DLG2: variants seen among roughly 807,000 people sequenced by gnomAD.
DLG2 encodes discs large MAGUK scaffold protein 2.
Under a neutral mutation model 132.5 loss-of-function variants are expected in DLG2, and 45 were observed. The ratio of observed to expected loss-of-function variants is 0.34; its 90% CI spans 0.27 to 0.44. The LOEUF (loss-of-function observed/expected upper bound fraction) is 0.44, where lower values mean the gene tolerates loss of function less well. DLG2 is among the 20% of genes least tolerant of loss of function. DLG2 has a pLI of 1.00. For missense variants in DLG2, 1,045 were observed against 1,196.9 expected, an observed-to-expected ratio of 0.87 and a Z score of 1.87; for synonymous variants, 424 against 419.6, an observed-to-expected ratio of 1.01 and a Z score of -0.13.
chr11:84,214,050 C>T (rs901194808), intron 8 of DLG2, among the ~76,000 whole-genome samples: 2 of 150,910 alleles, frequency 1.3e-5, no homozygotes, highest in South Asian at 2.1e-4. Flanking sequence ...GACTATTATC[C>T]TGCTTACTCT....
At chr11:85,483,788 AC>A (rs2093354770) in intron 3 of DLG2, among the ~76,000 whole-genome samples, 1 of 151,888 alleles carries the variant, frequency 6.6e-6, no homozygotes, top group Non-Finnish European at 1.5e-5. Context: ...TACTAAAAAT[AC>A]AAAAATTAGC....
intron 18 of DLG2, among the ~76,000 whole-genome samples, chr11:83,684,103 C>A (rs1444599134): frequency 6.6e-6 from 1 of 152,078 alleles, no homozygotes; most frequent in Non-Finnish European, 1.5e-5. Context: ...TGTAACTATA[C>A]ACTTACAGCC....
intron 6 of DLG2, among the ~76,000 whole-genome samples, chr11:84,619,802 CATT>C (rs1373332356): frequency 1.3e-5 from 2 of 151,346 alleles, no homozygotes; most frequent in Non-Finnish European, 3.0e-5. Context: ...TATTGAAAGA[CATT>C]AAAGATCTAA....
At chr11:84,116,542 A>G (rs1470691554) in intron 9 of DLG2, among the ~76,000 whole-genome samples, 1 of 152,162 alleles carries the variant, frequency 6.6e-6, no homozygotes, top group Non-Finnish European at 1.5e-5. Context: ...TAAAACCATC[A>G]GTTCTTGTGA....
intron 3 of DLG2, among the ~76,000 whole-genome samples, chr11:85,384,455 G>C (rs1440360083): frequency 6.6e-6 from 1 of 152,136 alleles, no homozygotes; most frequent in Non-Finnish European, 1.5e-5. Flanking sequence ...ATATCAAAAA[G>C]CTAGTTACTT....
intron 6 of DLG2, among the ~76,000 whole-genome samples, chr11:84,843,169 A>G (rs1450749935): frequency 6.6e-6 from 1 of 151,976 alleles, no homozygotes; most frequent in Non-Finnish European, 1.5e-5. Context: ...AGTAATGGAT[A>G]TGTTGATTAG....
intron 6 of DLG2, among the ~76,000 whole-genome samples, chr11:84,783,572 G>T (rs544798536): frequency 6.6e-6 from 1 of 152,220 alleles, no homozygotes; most frequent in South Asian, 2.1e-4. Context: ...TCTAAATTTT[G>T]TACTAATCAA....
intron 6 of DLG2, among the ~76,000 whole-genome samples, chr11:84,991,992 A>G (rs1021402205): frequency 3.3e-5 from 5 of 152,072 alleles, no homozygotes; most frequent in African/African-American, 1.2e-4. Flanking sequence ...ATTCTTTTGT[A>G]TTCCAATCAT....
At chr11:83,722,528 C>A (rs1235486146) in intron 18 of DLG2, among the ~76,000 whole-genome samples, 2 of 152,140 alleles carry the variant, frequency 1.3e-5, no homozygotes, top group Non-Finnish European at 2.9e-5. Flanking sequence ...TCTCTCCAGT[C>A]CAGCAAGTTT....
chr11:83,477,738 A>AG (rs1216092436), intron 22 of DLG2, among the ~76,000 whole-genome samples: 1 of 130,704 alleles, frequency 7.7e-6, no homozygotes, highest in African/African-American at 2.7e-5. Context: ...TGGTGAAAAG[A>AG]GGGGTTTTTT....
intron 16 of DLG2, among the ~76,000 whole-genome samples, chr11:83,835,208 G>A (rs1024517867): frequency 6.6e-6 from 1 of 152,178 alleles, no homozygotes; most frequent in Non-Finnish European, 1.5e-5. Flanking sequence ...TGTTTCAGGT[G>A]CTCAGAATGT....
intron 3 of DLG2, among the ~76,000 whole-genome samples, chr11:85,380,344 T>C (rs749768500): frequency 6.6e-6 from 1 of 152,228 alleles, no homozygotes; most frequent in Admixed American, 6.5e-5. Flanking sequence ...TGGTCAACTA[T>C]ACTGAATAAA....
intron 19 of DLG2, 101 bp downstream of exon 19, chr11:83,633,110 G>T: frequency 2.0e-6 from 2 of 992,266 alleles, no homozygotes; most frequent in Non-Finnish European, 1.6e-6. Flanking sequence ...GATGAAAGTG[G>T]GTTAAGTGGG....
At chr11:84,450,196 C>G (rs921429409) in intron 7 of DLG2, among the ~76,000 whole-genome samples, 1 of 151,670 alleles carries the variant, frequency 6.6e-6, no homozygotes. Flanking sequence ...ATTTTCAAAC[C>G]CTGTCTGACT....
chr11:84,498,002 C>T (rs973523847), intron 7 of DLG2, among the ~76,000 whole-genome samples: 1 of 152,168 alleles, frequency 6.6e-6, no homozygotes, highest in Admixed American at 6.5e-5. Flanking sequence ...ACCAAGTACA[C>T]ATGAAAGGGC....
intron 7 of DLG2, among the ~76,000 whole-genome samples, chr11:84,277,829 A>T (rs2097797095): frequency 1.3e-5 from 2 of 152,200 alleles, no homozygotes. Context: ...AATTATCAAA[A>T]TCAAGATGGA....
chr11:84,621,510 C>T (rs1283725449), intron 6 of DLG2, among the ~76,000 whole-genome samples: 1 of 152,070 alleles, frequency 6.6e-6, no homozygotes, highest in African/African-American at 2.4e-5. Flanking sequence ...CCCATGTACG[C>T]CTCATTTGTT....
At chr11:83,891,542 T>A (rs1192679505) in intron 15 of DLG2, among the ~76,000 whole-genome samples, 1 of 152,170 alleles carries the variant, frequency 6.6e-6, no homozygotes, top group Non-Finnish European at 1.5e-5. Flanking sequence ...CTCAGGTTTA[T>A]AAAACAGCTG....
At chr11:85,209,595 C>CTTTTTTTTT (rs60317922) in intron 4 of DLG2, among the ~76,000 whole-genome samples, 10 of 116,940 alleles carry the variant, frequency 8.6e-5, no homozygotes, top group African/African-American at 9.9e-5. Context: ...ACCCAGCTAA[C>CTTTTTTTTT]TTTTTTTTTT....
Sources: gnomAD v4.1 joint callset for allele counts (sites outside exome capture counted in the v4.1 genomes callset) on GRCh38, gnomAD v4.1.1 for gene constraint, MANE v1.5 for transcripts, NCBI Gene and HGNC (gene_info 2026-07-23, HGNC 2026-07-21) for gene names.